RBFOX1: variants seen among roughly 807,000 people sequenced by gnomAD.
The protein encoded by RBFOX1 is RNA binding protein fox-1 homolog 1.
A neutral mutation model predicts 57.7 loss-of-function variants in RBFOX1; 8 were observed. The observed-to-expected ratio is 0.14, with a 90% CI of 0.08 to 0.25. The LOEUF (loss-of-function observed/expected upper bound fraction) is 0.25, where lower values mean the gene tolerates loss of function less well. RBFOX1 is among the 10% of genes least tolerant of loss of function. The probability of loss-of-function intolerance (pLI) is 1.00; values close to 1 mark genes in which losing one functional copy is unlikely to be tolerated. For synonymous variants in RBFOX1, 326 were observed against 222.4 expected, an observed-to-expected ratio of 1.47 and a Z score of -4.15; for missense variants, 611 against 548.5, an observed-to-expected ratio of 1.11 and a Z score of -1.14.
chr16:5,919,214 G>A (rs77909817), intron 4 of RBFOX1, among the ~76,000 whole-genome samples: 7 of 152,300 alleles, frequency 4.6e-5, no homozygotes, highest in Non-Finnish European at 8.8e-5. Flanking sequence ...TATATCCCTG[G>A]ATGGTTCTAG....
chr16:7,676,962 TAGGTCCCA>T (rs2073457594), intron 14 of RBFOX1, 124 bp downstream of exon 14: 1 of 935,886 alleles, frequency 1.1e-6, no homozygotes, highest in Admixed American at 2.0e-5. Flanking sequence ...CCCCAAAAGT[TAGGTCCCA>T]TGGTGAACGT....
intron 2 of RBFOX1, among the ~76,000 whole-genome samples, chr16:6,529,584 ATAT>A (rs1402202302): frequency 4.2e-5 from 1 of 23,908 alleles, no homozygotes; most frequent in Non-Finnish European, 1.1e-4. Context: ...TATTAATAAT[ATAT>A]TATTATTTAT....
intron 3 of RBFOX1, among the ~76,000 whole-genome samples, chr16:6,936,638 T>G (rs896922864): frequency 6.6e-6 from 1 of 152,060 alleles, no homozygotes; most frequent in Non-Finnish European, 1.5e-5. Flanking sequence ...CACTATAAGG[T>G]AATTATGACT....
rs116156118 is a variant in RBFOX1, at chr16:7,192,162, C to T, written c.27+140064C>T. 5.6e-3 allele frequency among the ~76,000 whole-genome samples: 860 copies of T among 152,286 alleles called. 6 individuals are homozygous for T. The highest frequency in any genetic ancestry group is 0.018 in the African/African-American group (735 of 41,552). ...AAGGGGGTAGGTAGTAGAAGGAATT[C>T]GCAATAGCGGTTCTAGTTCTGATGC... is the stretch of plus-strand genomic sequence containing the variant. On this transcript the variant is annotated intron_variant, in intron 4 of 15. Coordinates refer to ENST00000550418, the MANE Select transcript of RBFOX1 (RefSeq NM_018723.4).
intron 3 of RBFOX1, among the ~76,000 whole-genome samples, chr16:5,699,496 T>A (rs2050959874): frequency 6.6e-6 from 1 of 152,082 alleles, no homozygotes; most frequent in Admixed American, 6.5e-5. Context: ...GAAGGCAATT[T>A]TGCCCCCAAG....
intron 1 of RBFOX1, among the ~76,000 whole-genome samples, chr16:5,417,792 G>C (rs1256392320): frequency 6.6e-6 from 1 of 152,120 alleles, no homozygotes. Flanking sequence ...ACTAAGATTT[G>C]TGAAATGGCC....
intron 1 of RBFOX1, among the ~76,000 whole-genome samples, chr16:6,239,588 A>G (rs529998906): frequency 2.6e-3 from 334 of 126,674 alleles, no homozygotes; most frequent in Middle Eastern, 6.1e-3. Context: ...ATCCTCCGCC[A>G]CCTGGTTCAA....
chr16:7,025,533 C>A (rs541391820), intron 3 of RBFOX1, among the ~76,000 whole-genome samples: 1 of 152,284 alleles, frequency 6.6e-6, no homozygotes, highest in East Asian at 1.9e-4. Flanking sequence ...CTGGTTCAAA[C>A]ACCTCTGACA....
At chr16:6,598,539 C>T (rs1175631323) in intron 2 of RBFOX1, among the ~76,000 whole-genome samples, 5 of 152,146 alleles carry the variant, frequency 3.3e-5, no homozygotes, top group Non-Finnish European at 4.4e-5. Context: ...CAATATTAAG[C>T]ATAATGGAGA....
chr16:6,592,254 T>G (rs1406340917), intron 2 of RBFOX1, among the ~76,000 whole-genome samples: 2 of 152,236 alleles, frequency 1.3e-5, no homozygotes, highest in Admixed American at 1.3e-4. Context: ...TGTGTGGTAC[T>G]AGGCAGTAAG....
chr16:6,555,607 G>A (rs1348323769), intron 2 of RBFOX1, among the ~76,000 whole-genome samples: 1 of 152,148 alleles, frequency 6.6e-6, no homozygotes, highest in Non-Finnish European at 1.5e-5. Flanking sequence ...GGCTGAGGCA[G>A]GAGAATGGCG....
chr16:6,268,473 G>A (rs1216284169), intron 1 of RBFOX1, among the ~76,000 whole-genome samples: 1 of 152,162 alleles, frequency 6.6e-6, no homozygotes, highest in Non-Finnish European at 1.5e-5. Flanking sequence ...AAATGCAGAG[G>A]TACGCAATCC....
At chr16:6,303,446 T>C (rs2079066004) in intron 1 of RBFOX1, among the ~76,000 whole-genome samples, 1 of 152,120 alleles carries the variant, frequency 6.6e-6, no homozygotes, top group African/African-American at 2.4e-5. Context: ...TCTTTTTCTT[T>C]ATAGAGCAAT....
rs1383211125 is a variant in RBFOX1, at chr16:6,773,564, A to T, written c.-16+118914A>T. On this transcript the variant is annotated intron_variant, in intron 3 of 15. Transcript: ENST00000550418. ...GGGCATAGGGTGCATTTGTGTGTGT[A>T]TGTGTGGGTGTGGGGTGCATTTGTG... is the stretch of plus-strand genomic sequence containing the variant. Among the ~76,000 whole-genome samples the T allele has an allele frequency of 2.8e-5, 3 of 107,550 alleles. 1 individual carries two copies. Among genetic ancestry groups the T allele is most frequent in the East Asian group, 6.7e-4 (2 of 2,992 alleles). The allele number at this position is 107,550 out of a possible 152,430, so 70.6% of individuals were successfully genotyped here. A position where few individuals can be genotyped will look rare whatever the true frequency, so the allele number is the denominator to read the frequency against.
chr16:7,665,108 C>T (rs2068841355), intron 13 of RBFOX1, 140 bp downstream of exon 13: 3 of 1,528,148 alleles, frequency 2.0e-6, no homozygotes, highest in African/African-American at 2.7e-5. Flanking sequence ...GTTTGTCTTG[C>T]AGGACAGAAA....
chr16:6,828,073 A>G (rs2092367900), intron 3 of RBFOX1, among the ~76,000 whole-genome samples: 1 of 152,144 alleles, frequency 6.6e-6, no homozygotes, highest in Non-Finnish European at 1.5e-5. Context: ...AGCCTCTAAG[A>G]TGCATGCAGT....
chr16:6,021,616 CT>C (rs1285514319), intron 1 of RBFOX1, among the ~76,000 whole-genome samples: 7 of 152,236 alleles, frequency 4.6e-5, no homozygotes, highest in Non-Finnish European at 1.0e-4. Context: ...CTTAAGTTAG[CT>C]TATGGTTGCC....
intron 4 of RBFOX1, among the ~76,000 whole-genome samples, chr16:7,279,176 T>C (rs1461333184): frequency 6.6e-6 from 1 of 151,560 alleles, no homozygotes; most frequent in Admixed American, 6.6e-5. Flanking sequence ...GGGGACCCCA[T>C]GCTGAGTGCC....
At chr16:6,323,861 C>A (rs1464204506) in intron 2 of RBFOX1, among the ~76,000 whole-genome samples, 2 of 152,002 alleles carry the variant, frequency 1.3e-5, no homozygotes, top group African/African-American at 4.8e-5. Flanking sequence ...CAACCTACAT[C>A]TCCAAGATTC....
Sources: allele counts gnomAD v4.1 joint callset (sites outside exome capture counted in the v4.1 genomes callset), GRCh38; gene constraint gnomAD v4.1.1; transcripts MANE v1.5; gene names NCBI Gene and HGNC (gene_info 2026-07-23, HGNC 2026-07-21).